Variants in ROBO2 observed in about 807,000 individuals in gnomAD.
ROBO2 encodes the protein roundabout homolog 2.
In ROBO2, 53 loss-of-function variants were observed where a neutral mutation model predicts 160.8. That is an observed-to-expected ratio of 0.33 (90% CI 0.26 to 0.41). The LOEUF (loss-of-function observed/expected upper bound fraction) is 0.41, where lower values mean the gene tolerates loss of function less well. Ranked by LOEUF, ROBO2 falls within the 10% of genes least tolerant of loss-of-function variation. ROBO2 has a pLI of 1.00. For missense variants in ROBO2, 1,577 were observed against 1,722.4 expected, an observed-to-expected ratio of 0.92 and a Z score of 1.49; for synonymous variants, 664 against 611.7, an observed-to-expected ratio of 1.09 and a Z score of -1.26.
At chr3:76,037,176 T>C (rs2067136103) in intron 2 of ROBO2, among the ~76,000 whole-genome samples, 2 of 151,988 alleles carry the variant, frequency 1.3e-5, no homozygotes, top group Admixed American at 1.3e-4. Context: ...TGCATCATCC[T>C]GATACATATT....
rs144777457 is a variant in ROBO2, at chr3:76,744,028, G to C, written c.110-353986G>C. Among the ~76,000 whole-genome samples, 5 of 152,232 alleles carry C rather than the reference G, an allele frequency of 3.3e-5. No individual in the cohort carries two copies. The East Asian group carries it at 9.7e-4, about 29-fold the overall frequency. On this transcript the variant is annotated intron_variant, in intron 2 of 26. Transcript: ENST00000487694. ...ATTGAATAACTACTGTGTGTACACTGACAGATGACTTCACATACAACAATA... is the reference window on the plus strand; with the variant it reads ...ATTGAATAACTACTGTGTGTACACTCACAGATGACTTCACATACAACAATA...
At chr3:77,378,966 A>T (rs1193341603) in intron 2 of ROBO2, among the ~76,000 whole-genome samples, 12 of 142,460 alleles carry the variant, frequency 8.4e-5, no homozygotes, top group Non-Finnish European at 4.6e-5. Context: ...TTTTTTTTGG[A>T]GATGGAGTTT....
chr3:76,106,901 C>T (rs965835273), intron 2 of ROBO2, among the ~76,000 whole-genome samples: 9 of 152,164 alleles, frequency 5.9e-5, no homozygotes, highest in African/African-American at 2.2e-4. Context: ...AAGGGGTACT[C>T]TTGATGCTGT....
chr3:77,546,319 C>T lies in ROBO2; in HGVS notation c.935-19C>T. The T allele has an allele frequency of 6.2e-7, 1 of 1,612,464 alleles. No homozygotes were observed. Among genetic ancestry groups the T allele is most frequent in the Non-Finnish European group, 8.5e-7 (1 of 1,178,770 alleles). On this transcript the variant is annotated intron_variant, in intron 6 of 25. Transcript: ENST00000461745. ...TCTATGGTTGATATTTACACGCTTT[C>T]TTTTCTTTTAAATTATAGCTCCCCC...
chr3:77,507,369 T>C lies in ROBO2; in HGVS notation c.806+13987T>C, dbSNP rs141974855. On this transcript the variant is annotated intron_variant, in intron 5 of 25. Coordinates refer to ENST00000461745, the Ensembl canonical transcript of ROBO2. The stretch of plus-strand genomic sequence containing the variant: ...TGATGAAGGAGACTTCTTAGCATTT[T>C]TCCAACAAAGACAGCAAGGTCGCCA... Among the ~76,000 whole-genome samples, 302 of 152,326 alleles carry C rather than the reference T, an allele frequency of 2.0e-3. 3 individuals carry two copies. Among genetic ancestry groups the C allele is most frequent in the Admixed American group, 7.0e-3 (107 of 15,278 alleles).
At chr3:76,748,516 G>T (rs1361236121) in intron 2 of ROBO2, among the ~76,000 whole-genome samples, 3 of 151,348 alleles carry the variant, frequency 2.0e-5, no homozygotes, top group African/African-American at 7.3e-5. Flanking sequence ...AAGTTTTAAG[G>T]ATTGATCAAT....
chr3:76,336,924 T>C (rs979607512), intron 2 of ROBO2, among the ~76,000 whole-genome samples: 1 of 152,132 alleles, frequency 6.6e-6, no homozygotes, highest in Non-Finnish European at 1.5e-5. Context: ...ATTCCCAAAA[T>C]TAATGTTTGC....
At chr3:76,287,478 T>G (rs1845702) in intron 2 of ROBO2, among the ~76,000 whole-genome samples, 1 of 151,842 alleles carries the variant, frequency 6.6e-6, no homozygotes, top group Non-Finnish European at 1.5e-5. Context: ...AAAAATATTT[T>G]TAGTAGAGAC....
At chr3:76,763,951 A>G (rs948690504) in intron 2 of ROBO2, among the ~76,000 whole-genome samples, 1 of 151,758 alleles carries the variant, frequency 6.6e-6, no homozygotes, top group African/African-American at 2.4e-5. Context: ...AAATAATTAC[A>G]TTTTTGAGAT....
intron 2 of ROBO2, among the ~76,000 whole-genome samples, chr3:76,996,730 C>T (rs568990827): frequency 6.8e-4 from 104 of 152,130 alleles, no homozygotes; most frequent in Non-Finnish European, 1.3e-3. Flanking sequence ...CAAGTATTTT[C>T]ATTCTAAACT....
chr3:76,778,557 A>G (rs1323634315), intron 2 of ROBO2, among the ~76,000 whole-genome samples: 1 of 151,284 alleles, frequency 6.6e-6, no homozygotes, highest in South Asian at 2.1e-4. Flanking sequence ...TTATGGGCCC[A>G]TAAAAAATAA....
chr3:75,988,159 C>T (rs2065465803), intron 2 of ROBO2, among the ~76,000 whole-genome samples: 1 of 151,968 alleles, frequency 6.6e-6, no homozygotes, highest in African/African-American at 2.4e-5. Flanking sequence ...CTGTCAGGTC[C>T]AGGGATTTTC....
chr3:77,092,971 G>T (rs1290199807), intron 1 of ROBO2, among the ~76,000 whole-genome samples: 1 of 151,926 alleles, frequency 6.6e-6, no homozygotes, highest in Non-Finnish European at 1.5e-5. Flanking sequence ...CTTGAGCAGG[G>T]TGGGCAAACC....
chr3:76,409,176 A>G (rs1329430699), intron 2 of ROBO2, among the ~76,000 whole-genome samples: 1 of 152,100 alleles, frequency 6.6e-6, no homozygotes, highest in East Asian at 1.9e-4. Flanking sequence ...AAATCTCTAA[A>G]GACTCATGGA....
intron 2 of ROBO2, among the ~76,000 whole-genome samples, chr3:77,454,897 T>C (rs1436371070): frequency 6.6e-6 from 1 of 152,184 alleles, no homozygotes; most frequent in Non-Finnish European, 1.5e-5. Context: ...TTGAGTTAGC[T>C]TTTTCTTATA....
At chr3:76,304,583 A>G (rs1348262944) in intron 2 of ROBO2, among the ~76,000 whole-genome samples, 2 of 152,238 alleles carry the variant, frequency 1.3e-5, no homozygotes, top group Non-Finnish European at 2.9e-5. Flanking sequence ...CATTTTAACA[A>G]TAGTGCAGCC....
intron 2 of ROBO2, among the ~76,000 whole-genome samples, chr3:76,807,373 C>A (rs1345815683): frequency 6.6e-6 from 1 of 152,010 alleles, no homozygotes; most frequent in Non-Finnish European, 1.5e-5. Flanking sequence ...ATACAAATAT[C>A]TCTTTATAAA....
intron 2 of ROBO2, among the ~76,000 whole-genome samples, chr3:76,049,909 G>T (rs1014169327): frequency 6.6e-6 from 1 of 151,996 alleles, no homozygotes; most frequent in African/African-American, 2.4e-5. Context: ...AAAAAGATAG[G>T]CCTCTTCTTT....
intron 7 of ROBO2, 98 bp from the exon 9 acceptor site, chr3:77,550,720 T>C: frequency 1.6e-6 from 2 of 1,247,764 alleles, no homozygotes. Flanking sequence ...CTGTGTATTT[T>C]CTTTTTCCCA....
Sources: gnomAD v4.1 joint callset for allele counts (sites outside exome capture counted in the v4.1 genomes callset) on GRCh38, gnomAD v4.1.1 for gene constraint, MANE v1.5 for transcripts, NCBI Gene and HGNC (gene_info 2026-07-23, HGNC 2026-07-21) for gene names.